PDE4D: variants seen among roughly 807,000 people sequenced by gnomAD.
The protein encoded by PDE4D is phosphodiesterase 4D, also known as 3',5'-cyclic-AMP phosphodiesterase 4D.
PDE4D carries 24 observed loss-of-function variants against 87.4 expected under a neutral mutation model. That is an observed-to-expected ratio of 0.27 (90% CI 0.20 to 0.39). The LOEUF (loss-of-function observed/expected upper bound fraction) is 0.39. PDE4D is among the 10% of genes least tolerant of loss of function. The pLI, the probability that PDE4D is intolerant of heterozygous loss-of-function variation, is 1.00. For synonymous variants in PDE4D, 384 were observed against 383.2 expected (o/e 1.00, Z -0.02); for missense variants, 714 against 1,041.0 (o/e 0.69, Z 4.32).
chr5:59,908,993 A>C (rs990327323), intron 3 of PDE4D, among the ~76,000 whole-genome samples: 5 of 152,212 alleles, frequency 3.3e-5, no homozygotes, highest in African/African-American at 1.2e-4. Context: ...TTTTATTTGC[A>C]CTGGCTTTTT....
chr5:60,273,553 G>C (rs1249305637), intron 1 of PDE4D, among the ~76,000 whole-genome samples: 2 of 152,186 alleles, frequency 1.3e-5, no homozygotes, highest in African/African-American at 4.8e-5. Context: ...GAGATGGACA[G>C]ACAGACTAAA....
intron 2 of PDE4D, among the ~76,000 whole-genome samples, chr5:60,116,708 C>T (rs763796701): frequency 5.9e-5 from 9 of 151,716 alleles, no homozygotes; most frequent in South Asian, 2.1e-4. Flanking sequence ...ACATCAGAAA[C>T]GAGAGCAGGA....
At chr5:59,302,719 C>T (rs1195855668) in intron 1 of PDE4D, among the ~76,000 whole-genome samples, 1 of 152,146 alleles carries the variant, frequency 6.6e-6, no homozygotes, top group East Asian at 1.9e-4. Flanking sequence ...CATTCCTTTT[C>T]ATAGCTGTGT....
intron 5 of PDE4D, among the ~76,000 whole-genome samples, chr5:59,091,955 T>C (rs1424264212): frequency 6.6e-6 from 1 of 152,124 alleles, no homozygotes; most frequent in African/African-American, 2.4e-5. Flanking sequence ...ATGCATTTAT[T>C]GGGAAAAAAC....
intron 1 of PDE4D, among the ~76,000 whole-genome samples, chr5:59,441,026 G>A (rs955656281): frequency 3.3e-5 from 5 of 152,098 alleles, no homozygotes; most frequent in South Asian, 2.1e-4. Flanking sequence ...AAAGTTCTTT[G>A]TATCAAACTA....
At chr5:60,379,405 G>T (rs966397227) in intron 1 of PDE4D, among the ~76,000 whole-genome samples, 2 of 152,138 alleles carry the variant, frequency 1.3e-5, no homozygotes, top group African/African-American at 2.4e-5. Context: ...AAGAGGTGCT[G>T]TCCCAAAAAT....
chr5:59,180,540 G>T, intron 5 of PDE4D, 55 bp downstream of exon 5: 2 of 1,446,560 alleles, frequency 1.4e-6, no homozygotes, highest in Non-Finnish European at 1.9e-6. Context: ...ATTGACTCTT[G>T]GCAGAAATGG....
chr5:59,485,429 T>C lies in PDE4D; in HGVS notation c.456-269461A>G, dbSNP rs557458563. 2.6e-5 allele frequency among the ~76,000 whole-genome samples: 4 copies of C among 152,208 alleles called. No homozygotes were observed. In the South Asian group the frequency reaches 8.3e-4, roughly 32 times the overall value. ...TTAAAAAAAGATATACCCAGGAAAT[T>C]AACATTCATATTTGGATACAAAAGT... On this transcript the variant is annotated intron_variant, in intron 1 of 14. Transcript: ENST00000340635.
chr5:59,648,826 C>G (rs981637353), intron 1 of PDE4D, among the ~76,000 whole-genome samples: 1 of 151,978 alleles, frequency 6.6e-6, no homozygotes, highest in African/African-American at 2.4e-5. Context: ...TTTCTGGCAA[C>G]ATGCCTCATA....
chr5:59,277,287 G>A (rs901851482), intron 1 of PDE4D, among the ~76,000 whole-genome samples: 1 of 152,030 alleles, frequency 6.6e-6, no homozygotes, highest in Non-Finnish European at 1.5e-5. Flanking sequence ...GGCCTCTTAC[G>A]GTAAATGCCA....
At chr5:59,756,465 C>T (rs191918468) in intron 1 of PDE4D, among the ~76,000 whole-genome samples, 50 of 151,216 alleles carry the variant, frequency 3.3e-4, no homozygotes, top group African/African-American at 1.1e-3. Context: ...TTCATATACA[C>T]CAAAGCCAAC....
chr5:59,744,356 T>A (rs1245323343), intron 1 of PDE4D, among the ~76,000 whole-genome samples: 1 of 152,182 alleles, frequency 6.6e-6, no homozygotes, highest in Non-Finnish European at 1.5e-5. Context: ...AGACACATCA[T>A]GGCAGAATAT....
intron 1 of PDE4D, among the ~76,000 whole-genome samples, chr5:59,639,664 T>C (rs1047588539): frequency 1.3e-5 from 2 of 152,130 alleles, no homozygotes; most frequent in Non-Finnish European, 2.9e-5. Flanking sequence ...CTTCAAGGCA[T>C]CCTAGTAGAA....
At chr5:59,301,889 C>T (rs1284616613) in intron 1 of PDE4D, among the ~76,000 whole-genome samples, 3 of 152,020 alleles carry the variant, frequency 2.0e-5, no homozygotes, top group African/African-American at 7.2e-5. Flanking sequence ...AATTTCCTCC[C>T]AAACAGGAAA....
intron 1 of PDE4D, among the ~76,000 whole-genome samples, chr5:59,599,415 A>AT (rs1248353031): frequency 6.7e-6 from 1 of 149,198 alleles, no homozygotes; most frequent in African/African-American, 2.4e-5. Flanking sequence ...TTTTTTTTTT[A>AT]TTTTTAGTAG....
chr5:60,037,938 T>C (rs965108166), intron 2 of PDE4D, among the ~76,000 whole-genome samples: 1 of 152,218 alleles, frequency 6.6e-6, no homozygotes, highest in African/African-American at 2.4e-5. Context: ...AAATATTGTC[T>C]AAGTGACATA....
chr5:59,052,687 G>A (rs1424813631), intron 5 of PDE4D, among the ~76,000 whole-genome samples: 1 of 152,074 alleles, frequency 6.6e-6, no homozygotes, highest in Non-Finnish European at 1.5e-5. Flanking sequence ...GGCAAATTTG[G>A]GCAAATTAAC....
At chr5:59,795,817 C>T (rs1271374683) in intron 1 of PDE4D, among the ~76,000 whole-genome samples, 2 of 152,058 alleles carry the variant, frequency 1.3e-5, no homozygotes, top group Admixed American at 1.3e-4. Context: ...GAAATAGGGT[C>T]TTTAGAGAGG....
intron 3 of PDE4D, among the ~76,000 whole-genome samples, chr5:59,962,036 CT>C (rs1275745876): frequency 1.3e-5 from 2 of 151,984 alleles, no homozygotes; most frequent in East Asian, 1.9e-4. Flanking sequence ...GTGAAGGATG[CT>C]TTTTTATCCT....
Sources: gnomAD v4.1 joint callset for allele counts (sites outside exome capture counted in the v4.1 genomes callset) on GRCh38, gnomAD v4.1.1 for gene constraint, MANE v1.5 for transcripts, NCBI Gene and HGNC (gene_info 2026-07-23, HGNC 2026-07-21) for gene names.